Variants in ARHGAP6 observed in about 807,000 individuals in gnomAD.
ARHGAP6 encodes Rho GTPase activating protein 6.
Under a neutral mutation model 55.7 loss-of-function variants are expected in ARHGAP6, and 16 were observed. That is an observed-to-expected ratio of 0.29 (90% CI 0.19 to 0.44). ARHGAP6 has a LOEUF of 0.44. Ranked by LOEUF, ARHGAP6 falls within the 20% of genes least tolerant of loss-of-function variation. The pLI, the probability that ARHGAP6 is intolerant of heterozygous loss-of-function variation, is 1.00. For missense variants in ARHGAP6, 698 were observed against 808.9 expected (o/e 0.86, Z 1.66); for synonymous variants, 382 against 360.9 (o/e 1.06, Z -0.66).
chrX:11,350,496 G>C (rs1194316383), intron 1 of ARHGAP6, among the ~76,000 whole-genome samples: 1 of 112,025 alleles, frequency 8.9e-6, no homozygotes, highest in African/African-American at 3.2e-5. Context: ...TTGTGTTTAT[G>C]ACTATGTCCC....
intron 1 of ARHGAP6, among the ~76,000 whole-genome samples, chrX:11,404,715 T>C (rs1003953286): frequency 2.7e-5 from 3 of 111,250 alleles, no homozygotes; most frequent in Non-Finnish European, 5.7e-5. Flanking sequence ...CCAAAAATAT[T>C]AAAAATAAAA....
At chrX:11,301,883 G>A (rs992828365) in intron 1 of ARHGAP6, among the ~76,000 whole-genome samples, 15 of 112,002 alleles carry the variant, frequency 1.3e-4, no homozygotes, top group Non-Finnish European at 2.8e-4. Flanking sequence ...TGGCAAATAT[G>A]GCAAATATCC....
intron 1 of ARHGAP6, chrX:11,294,771 T>C: frequency 8.3e-7 from 1 of 1,211,033 alleles, no homozygotes; most frequent in Non-Finnish European, 1.1e-6. Context: ...TTGACTTACA[T>C]TTCAGAACCA....
At chrX:11,423,650 C>G (rs1451805508) in intron 1 of ARHGAP6, among the ~76,000 whole-genome samples, 1 of 112,727 alleles carries the variant, frequency 8.9e-6, no homozygotes, top group Non-Finnish European at 1.9e-5. Flanking sequence ...AGTCATTCAA[C>G]ACATTTCTAC....
chrX:11,201,989 C>CTGTGTGTGTGTGTGTG (rs56023548), intron 2 of ARHGAP6, among the ~76,000 whole-genome samples: 891 of 65,510 alleles, frequency 0.014, 69 homozygotes, highest in African/African-American at 0.019. Flanking sequence ...GCATCTGGAT[C>CTGTGTGTGTGTGTGTG]TGTGTGTGTG....
chrX:11,336,318 C>T (rs201242879), intron 1 of ARHGAP6, among the ~76,000 whole-genome samples: 1 of 111,148 alleles, frequency 9.0e-6, no homozygotes, highest in East Asian at 2.8e-4. Context: ...GTATTTTCGC[C>T]AAAGGAGTCT....
chrX:11,443,568 GCT>G lies in ARHGAP6; in HGVS notation c.589-188863_589-188862del, dbSNP rs751795001. Among the ~76,000 whole-genome samples the G allele has an allele frequency of 3.3e-3, 375 of 112,171 alleles. 3 individuals carry two copies. Among genetic ancestry groups the G allele is most frequent in the Non-Finnish European group, 4.1e-3 (218 of 53,207 alleles). On this transcript the variant is annotated intron_variant, in intron 1 of 12. Transcript: ENST00000337414. ...ATTAATGCAATGCTTGATATTGTCA[GCT>G]CTCTCTTTATTTCTTGATTATAGCC...
intron 1 of ARHGAP6, among the ~76,000 whole-genome samples, chrX:11,320,286 A>C (rs760473641): frequency 1.8e-5 from 2 of 111,937 alleles, no homozygotes; most frequent in African/African-American, 6.5e-5. Context: ...AAGTTAAAGA[A>C]TATGGGCTGT....
In ARHGAP6 at chrX:11,139,428, G is replaced by A. The variant is rs1231643772; in HGVS notation, c.2360C>T (p.Pro787Leu). The A allele has an allele frequency of 8.4e-7, 1 of 1,188,586 alleles. No homozygotes were observed. Among genetic ancestry groups the A allele is most frequent in the South Asian group, 1.9e-5 (1 of 53,754 alleles). ...CTGCGTGTCGCTGTCCAGCTCTGCG[G>A]GGCTCCCCTGCCACCGAGGCCAATT... is the stretch of plus-strand genomic sequence containing the variant. The part of the protein sequence containing the change: ...SPNWPRWQGS[P>L]AELDSDTQGA... Residue 787 changes from proline (P) to leucine (L), a missense_variant, in exon 13 of 13, where the codon CCC becomes CTC. Transcript: ENST00000337414.
intron 2 of ARHGAP6, among the ~76,000 whole-genome samples, chrX:11,233,850 C>T (rs915423258): frequency 3.6e-5 from 4 of 112,120 alleles, no homozygotes; most frequent in Non-Finnish European, 5.6e-5. Context: ...TAAAGAAATA[C>T]CTAACTAGTA....
chrX:11,579,443 A>T (rs775959334), intron 1 of ARHGAP6, among the ~76,000 whole-genome samples: 3 of 112,385 alleles, frequency 2.7e-5, no homozygotes, highest in African/African-American at 9.7e-5. Flanking sequence ...AATTTTAAAA[A>T]TTATAGTCCC....
chrX:11,190,672 T>C (rs902768992), intron 3 of ARHGAP6, among the ~76,000 whole-genome samples: 1 of 110,017 alleles, frequency 9.1e-6, no homozygotes, highest in African/African-American at 3.3e-5. Flanking sequence ...GAAAAGAACA[T>C]TGATAAATGT....
intron 1 of ARHGAP6, among the ~76,000 whole-genome samples, chrX:11,615,646 T>A (rs1052928154): frequency 2.7e-5 from 3 of 112,270 alleles, no homozygotes; most frequent in Admixed American, 1.9e-4. Context: ...TGTAGTCCAA[T>A]CATTATAAAT....
chrX:11,523,468 T>C (rs1050105661), intron 1 of ARHGAP6, among the ~76,000 whole-genome samples: 1 of 111,963 alleles, frequency 8.9e-6, no homozygotes, highest in Non-Finnish European at 1.9e-5. Context: ...GATGACATGA[T>C]TGTATATCTA....
intron 1 of ARHGAP6, among the ~76,000 whole-genome samples, chrX:11,399,698 T>C (rs1057326320): frequency 4.5e-5 from 5 of 112,167 alleles, no homozygotes; most frequent in African/African-American, 1.6e-4. Flanking sequence ...ATAGAGCTAC[T>C]ATGTGACCCA....
intron 2 of ARHGAP6, among the ~76,000 whole-genome samples, chrX:11,226,809 T>C (rs2047057021): frequency 8.9e-6 from 1 of 112,046 alleles, no homozygotes; most frequent in Non-Finnish European, 1.9e-5. Context: ...GAGTGTTTTA[T>C]GGCATATTCC....
intron 1 of ARHGAP6, among the ~76,000 whole-genome samples, chrX:11,376,537 C>T (rs925258650): frequency 1.2e-4 from 13 of 112,978 alleles, no homozygotes; most frequent in Non-Finnish European, 2.4e-4. Context: ...CCCAAAGGAA[C>T]CCTGCTGACA....
At chrX:11,440,781 A>C (rs780553178) in intron 1 of ARHGAP6, among the ~76,000 whole-genome samples, 12 of 112,264 alleles carry the variant, frequency 1.1e-4, no homozygotes, top group Admixed American at 1.9e-4. Context: ...ACTAAATACA[A>C]TTTCAGGAGA....
At chrX:11,659,466 C>T (rs1344320528) in intron 1 of ARHGAP6, among the ~76,000 whole-genome samples, 2 of 111,290 alleles carry the variant, frequency 1.8e-5, no homozygotes, top group South Asian at 7.7e-4. Context: ...CATCCCTGGC[C>T]TCCCACTAGA....
Sources: allele counts gnomAD v4.1 joint callset (sites outside exome capture counted in the v4.1 genomes callset), GRCh38; gene constraint gnomAD v4.1.1; transcripts MANE v1.5; gene names NCBI Gene and HGNC (gene_info 2026-07-23, HGNC 2026-07-21).